The following PRAG1 variants were observed in gnomAD, a reference collection of about 807,000 sequenced individuals.
PRAG1 encodes the protein PEAK1 related, kinase-activating pseudokinase 1.
In PRAG1, 110 loss-of-function variants were observed where a neutral mutation model predicts 95.6. That is an observed-to-expected ratio of 1.15 (90% CI 0.99 to 1.35). The LOEUF is 1.35. PRAG1 is among the 40% of genes most tolerant of loss of function. The pLI is 0.00. For synonymous variants in PRAG1, 1,052 were observed against 819.4 expected, an observed-to-expected ratio of 1.28 and a Z score of -4.85; for missense variants, 2,554 against 1,864.7, an observed-to-expected ratio of 1.37 and a Z score of -6.81.
chr8:8,379,477 A>C (rs1800561187), intron 2 of PRAG1, among the ~76,000 whole-genome samples: 1 of 152,166 alleles, frequency 6.6e-6, no homozygotes, highest in Non-Finnish European at 1.5e-5. Flanking sequence ...AGGTATTGAG[A>C]ATGGCCTGGA....
At chr8:8,371,503 C>T (rs186669069) in intron 3 of PRAG1, among the ~76,000 whole-genome samples, 2 of 152,004 alleles carry the variant, frequency 1.3e-5, no homozygotes, top group African/African-American at 2.4e-5. Flanking sequence ...TCGTGATCCA[C>T]CCGCCTTGGC....
intron 3 of PRAG1, among the ~76,000 whole-genome samples, chr8:8,368,818 C>T (rs1355258962): frequency 6.6e-6 from 1 of 151,610 alleles, no homozygotes; most frequent in African/African-American, 2.4e-5. Context: ...CCTTAGAATT[C>T]CTTGTAACTC....
rs371636335 is a variant in PRAG1 at position 8,381,779 on chromosome 8, G to A, written c.-32C>T. On this transcript the variant is annotated 5_prime_UTR_variant, in exon 2 of 6. Transcript: ENST00000615670. ...CCGACAGGGTGCTGGTTCATCTTGC[G>A]CCCGGCTCTCTGGTGCAGTTTTGTG... 9.0e-5 allele frequency: 137 copies of A among 1,518,494 alleles called. No homozygotes were observed. Among genetic ancestry groups the A allele is most frequent in the Non-Finnish European group, 1.1e-4 (119 of 1,126,478 alleles). The allele number at this position is 1,518,494 out of a possible 1,614,324, so 94.1% of individuals were successfully genotyped here.
At chr8:8,331,068 C>G (rs983544104) in intron 4 of PRAG1, among the ~76,000 whole-genome samples, 4 of 152,144 alleles carry the variant, frequency 2.6e-5, no homozygotes, top group African/African-American at 9.7e-5. Flanking sequence ...ACAACAGAAG[C>G]TGAGGCTGGG....
intron 4 of PRAG1, among the ~76,000 whole-genome samples, chr8:8,334,025 G>A (rs1430844025): frequency 1.3e-5 from 2 of 152,224 alleles, no homozygotes; most frequent in African/African-American, 4.8e-5. Flanking sequence ...AGGATGAAGG[G>A]TGGGGCAGAG....
intron 3 of PRAG1, among the ~76,000 whole-genome samples, chr8:8,348,880 T>C (rs1444728167): frequency 1.3e-5 from 2 of 152,206 alleles, no homozygotes; most frequent in Non-Finnish European, 2.9e-5. Context: ...TGTGTCACAG[T>C]TGAGACGTGC....
At chr8:8,366,434 C>A (rs933735926) in intron 3 of PRAG1, among the ~76,000 whole-genome samples, 8 of 151,950 alleles carry the variant, frequency 5.3e-5, no homozygotes, top group Admixed American at 1.3e-4. Context: ...CTGCCTCAGC[C>A]TCCTGAGTAG....
At chr8:8,333,241 T>C (rs535282871) in intron 4 of PRAG1, among the ~76,000 whole-genome samples, 2 of 152,338 alleles carry the variant, frequency 1.3e-5, no homozygotes, top group Admixed American at 6.5e-5. Flanking sequence ...TTAATAATTT[T>C]GCATGCTAAT....
intron 3 of PRAG1, among the ~76,000 whole-genome samples, chr8:8,342,054 C>T (rs1799186278): frequency 6.6e-6 from 1 of 152,014 alleles, no homozygotes; most frequent in Non-Finnish European, 1.5e-5. Context: ...TCGCTTGAAC[C>T]AAGGAGGCGG....
chr8:8,349,873 T>G (rs993360223), intron 3 of PRAG1, among the ~76,000 whole-genome samples: 1 of 151,410 alleles, frequency 6.6e-6, no homozygotes, highest in Non-Finnish European at 1.5e-5. Context: ...AACTTCATAT[T>G]CAGTAGAAAC....
chr8:8,337,864 A>G (rs1165496035), intron 4 of PRAG1, among the ~76,000 whole-genome samples: 1 of 152,182 alleles, frequency 6.6e-6, no homozygotes, highest in African/African-American at 2.4e-5. Context: ...AGAGCCGTGT[A>G]CAATTCAGCC....
intron 1 of PRAG1, among the ~76,000 whole-genome samples, chr8:8,382,229 G>A (rs916679832): frequency 8.5e-5 from 13 of 152,144 alleles, no homozygotes; most frequent in Admixed American, 2.0e-4. Flanking sequence ...AGTCTGGGAC[G>A]CTGACCCACA....
chr8:8,372,999 T>C (rs1412667125), intron 3 of PRAG1, among the ~76,000 whole-genome samples: 11 of 152,176 alleles, frequency 7.2e-5, no homozygotes, highest in African/African-American at 2.7e-4. Context: ...ATAATGAAGC[T>C]GATCATTAGA....
chr8:8,321,485 T>C (rs1042512524), intron 5 of PRAG1, among the ~76,000 whole-genome samples: 2 of 152,330 alleles, frequency 1.3e-5, no homozygotes, highest in African/African-American at 4.8e-5. Flanking sequence ...GCATCTTGCA[T>C]ATACGCTGTG....
At chr8:8,350,170 A>G (rs1040710628) in intron 3 of PRAG1, among the ~76,000 whole-genome samples, 1 of 152,218 alleles carries the variant, frequency 6.6e-6, no homozygotes, top group African/African-American at 2.4e-5. Flanking sequence ...CCCAGCCTAC[A>G]CAGTTGTGGA....
chr8:8,360,132 C>T (rs1036764052), intron 3 of PRAG1, among the ~76,000 whole-genome samples: 1 of 151,962 alleles, frequency 6.6e-6, no homozygotes, highest in Admixed American at 6.6e-5. Flanking sequence ...TGGTGGGACT[C>T]GAAATAGAAA....
intron 3 of PRAG1, among the ~76,000 whole-genome samples, chr8:8,371,823 C>G (rs1244090709): frequency 6.6e-6 from 1 of 152,090 alleles, no homozygotes; most frequent in East Asian, 1.9e-4. Context: ...TGAGATGGCA[C>G]CACTGCACTC....
intron 3 of PRAG1, among the ~76,000 whole-genome samples, chr8:8,367,830 A>G (rs1392188136): frequency 6.6e-6 from 1 of 152,002 alleles, no homozygotes; most frequent in East Asian, 1.9e-4. Flanking sequence ...TTTAGTAGAG[A>G]CGGGGTTTCA....
Position 8,333,832 on chromosome 8 carries a change from G to T in PRAG1, c.2321-5371C>A, listed in dbSNP as rs145680978. On this transcript the variant is annotated intron_variant, in intron 4 of 5. Transcript: ENST00000615670. ...ATTCTCCAACTTTGAGTAAGGTAAA[G>T]CAAGTGGAATATGGATGGAGAAAAC... Among the ~76,000 whole-genome samples, 454 of 152,352 alleles carry T rather than the reference G, an allele frequency of 3.0e-3. 1 individual carries two copies. The highest frequency in any genetic ancestry group is 0.01 in the Middle Eastern group (3 of 294).
Sources: gnomAD v4.1 joint callset for allele counts (sites outside exome capture counted in the v4.1 genomes callset) on GRCh38, gnomAD v4.1.1 for gene constraint, MANE v1.5 for transcripts, NCBI Gene and HGNC (gene_info 2026-07-23, HGNC 2026-07-21) for gene names.